Variants in SLC9A9 observed in about 807,000 individuals in gnomAD.
The protein encoded by SLC9A9 is solute carrier family 9 member A9, also known as sodium/hydrogen exchanger 9.
SLC9A9 carries 62 observed loss-of-function variants against 77.8 expected under a neutral mutation model. The observed-to-expected ratio is 0.80, with a 90% CI of 0.65 to 0.98. SLC9A9 has a LOEUF of 0.98. Ranked by LOEUF, SLC9A9 falls within the 50% of genes least tolerant of loss-of-function variation. The pLI is 0.00. For missense variants in SLC9A9, 775 were observed against 774.9 expected (o/e 1.00, Z 0.00); for synonymous variants, 320 against 283.5 (o/e 1.13, Z -1.29).
chr3:143,795,676 C>G (rs2008366447), intron 3 of SLC9A9, among the ~76,000 whole-genome samples: 1 of 152,126 alleles, frequency 6.6e-6, no homozygotes, highest in Non-Finnish European at 1.5e-5. Flanking sequence ...CTGCTGTGAG[C>G]CATAATCGTA....
chr3:143,497,558 G>A (rs1195786583), intron 9 of SLC9A9, among the ~76,000 whole-genome samples: 4 of 152,172 alleles, frequency 2.6e-5, no homozygotes, highest in Non-Finnish European at 5.9e-5. Flanking sequence ...AAAGATGCTG[G>A]CCAGGAAGCT....
chr3:143,295,416 G>A (rs759622566), intron 14 of SLC9A9, among the ~76,000 whole-genome samples: 2 of 152,204 alleles, frequency 1.3e-5, no homozygotes, highest in African/African-American at 4.8e-5. Context: ...ATTCAAGAAC[G>A]TGCCGTTCCA....
chr3:143,778,548 A>G (rs1171674753), intron 4 of SLC9A9, among the ~76,000 whole-genome samples: 1 of 152,176 alleles, frequency 6.6e-6, no homozygotes, highest in Admixed American at 6.5e-5. Flanking sequence ...TTGTAATCTC[A>G]TACAACTAGA....
At chr3:143,770,385 C>T (rs1042035973) in intron 4 of SLC9A9, among the ~76,000 whole-genome samples, 1 of 151,936 alleles carries the variant, frequency 6.6e-6, no homozygotes, top group African/African-American at 2.4e-5. Flanking sequence ...CACTAATGGA[C>T]CAAAATAAAT....
At chr3:143,355,225 G>C (rs1210785464) in intron 14 of SLC9A9, among the ~76,000 whole-genome samples, 1 of 152,104 alleles carries the variant, frequency 6.6e-6, no homozygotes, top group African/African-American at 2.4e-5. Context: ...AAATACAGCT[G>C]TTGCAACTAA....
chr3:143,533,622 A>G (rs879365871), intron 9 of SLC9A9, among the ~76,000 whole-genome samples: 2 of 152,160 alleles, frequency 1.3e-5, no homozygotes, highest in African/African-American at 2.4e-5. Context: ...CCATAAAAAA[A>G]CCCTACATCT....
At chr3:143,271,044 T>C (rs1937882140) in intron 14 of SLC9A9, among the ~76,000 whole-genome samples, 1 of 152,208 alleles carries the variant, frequency 6.6e-6, no homozygotes, top group African/African-American at 2.4e-5. Flanking sequence ...GAATCATCCC[T>C]TTGTGCAGCA....
intron 12 of SLC9A9, among the ~76,000 whole-genome samples, chr3:143,457,957 G>A (rs1025714069): frequency 3.3e-5 from 5 of 152,084 alleles, no homozygotes; most frequent in African/African-American, 1.2e-4. Flanking sequence ...AATGCAGCTG[G>A]TTGTTAGAAT....
At chr3:143,387,583 G>A (rs1323709531) in intron 12 of SLC9A9, among the ~76,000 whole-genome samples, 1 of 152,096 alleles carries the variant, frequency 6.6e-6, no homozygotes, top group Admixed American at 6.5e-5. Context: ...ATGAAGGCAA[G>A]CATTGCACAT....
At chr3:143,330,394 A>T (rs918528724) in intron 14 of SLC9A9, among the ~76,000 whole-genome samples, 1 of 152,186 alleles carries the variant, frequency 6.6e-6, no homozygotes, top group Non-Finnish European at 1.5e-5. Context: ...TTCTAAGGAA[A>T]TGTTCCCAGC....
intron 1 of SLC9A9, among the ~76,000 whole-genome samples, chr3:143,832,622 T>A (rs530717351): frequency 1.1e-4 from 16 of 152,200 alleles, no homozygotes; most frequent in Admixed American, 9.8e-4. Context: ...ATCTCAGTTA[T>A]CCCCATCAGA....
Position 143,814,575 on chromosome 3 carries a change from G to A in SLC9A9, c.378+17444C>T, listed in dbSNP as rs142475293. Among the ~76,000 whole-genome samples the A allele has an allele frequency of 2.9e-3, 438 of 152,328 alleles. 2 individuals carry two copies. The highest frequency in any genetic ancestry group is 1.0e-2 in the African/African-American group (415 of 41,574). On this transcript the variant is annotated intron_variant, in intron 2 of 15. Transcript: ENST00000316549. ...TTTAGCAATCCAAACACAGGATGCT[G>A]AGTGAAATTGAAACTTCGGATAAAC...
At chr3:143,720,880 C>T (rs888145330) in intron 4 of SLC9A9, among the ~76,000 whole-genome samples, 5 of 152,142 alleles carry the variant, frequency 3.3e-5, no homozygotes, top group Admixed American at 2.6e-4. Flanking sequence ...AAAGCTATTG[C>T]CCATGTGTAG....
At chr3:143,770,279 C>T (rs1000504885) in intron 4 of SLC9A9, among the ~76,000 whole-genome samples, 8 of 151,722 alleles carry the variant, frequency 5.3e-5, no homozygotes, top group Non-Finnish European at 8.8e-5. Context: ...ATATTCCTAT[C>T]GATATTAAAA....
chr3:143,671,696 T>C (rs148999308), intron 5 of SLC9A9, among the ~76,000 whole-genome samples: 3,376 of 152,324 alleles, frequency 0.022, 113 homozygotes, highest in Admixed American at 0.097. Context: ...TGCTTAACAC[T>C]GAATTGTAAA....
chr3:143,706,941 C>T (rs1933998218), intron 4 of SLC9A9, among the ~76,000 whole-genome samples: 1 of 152,128 alleles, frequency 6.6e-6, no homozygotes. Context: ...AAGGGGAAAG[C>T]TGCCTCCAAT....
In SLC9A9 at chr3:143,830,681, AG is replaced by A. The variant is rs5853130; in HGVS notation, c.378+1337del. 3.1e-3 allele frequency among the ~76,000 whole-genome samples: 476 copies of A among 152,312 alleles called. 4 individuals are homozygous for A. Among genetic ancestry groups the A allele is most frequent in the African/African-American group, 0.011 (458 of 41,590 alleles). ...GTGAAGAGAGAAATAATTCATGTCCAGGTACTAACCAAAGGTAAAACTCAAG... is the reference window on the plus strand; with the variant it reads ...GTGAAGAGAGAAATAATTCATGTCCAGTACTAACCAAAGGTAAAACTCAAG... On this transcript the variant is annotated intron_variant, in intron 2 of 15. Coordinates refer to ENST00000316549, the MANE Select transcript of SLC9A9 (RefSeq NM_173653.4).
chr3:143,570,216 G>T (rs1428525689), intron 8 of SLC9A9, among the ~76,000 whole-genome samples: 1 of 152,100 alleles, frequency 6.6e-6, no homozygotes, highest in Non-Finnish European at 1.5e-5. Context: ...TAAACTGGTA[G>T]TTCACCAAAG....
chr3:143,735,125 C>T (rs1934906660), intron 4 of SLC9A9, among the ~76,000 whole-genome samples: 1 of 152,224 alleles, frequency 6.6e-6, no homozygotes, highest in African/African-American at 2.4e-5. Flanking sequence ...GACAGCCACA[C>T]TTCCTGTCCT....
Sources: gnomAD v4.1 joint callset for allele counts (sites outside exome capture counted in the v4.1 genomes callset) on GRCh38, gnomAD v4.1.1 for gene constraint, MANE v1.5 for transcripts, NCBI Gene and HGNC (gene_info 2026-07-23, HGNC 2026-07-21) for gene names.